MSN: variants seen among roughly 807,000 people sequenced by gnomAD.
The protein encoded by MSN is epididymis luminal protein 70.
MSN carries 2 observed loss-of-function variants against 48.0 expected under a neutral mutation model. The ratio of observed to expected loss-of-function variants is 0.04; its 90% CI spans 0.02 to 0.13. The LOEUF (loss-of-function observed/expected upper bound fraction) is 0.13. MSN is among the 10% of genes least tolerant of loss of function. The pLI is 1.00. For synonymous variants in MSN, 146 were observed against 166.9 expected (o/e 0.87, Z 0.97); for missense variants, 267 against 470.1 (o/e 0.57, Z 3.99).
chrX:65,734,714 C>T (rs768794923), intron 7 of MSN, among the ~76,000 whole-genome samples: 1 of 112,098 alleles, frequency 8.9e-6, no homozygotes. Flanking sequence ...AAACAACAAC[C>T]AGGACAAGCA....
intron 1 of MSN, among the ~76,000 whole-genome samples, chrX:65,702,282 G>A (rs1281782676): frequency 9.4e-6 from 1 of 105,989 alleles, no homozygotes; most frequent in Admixed American, 1.0e-4. Flanking sequence ...CAAAGTGTTG[G>A]GATTACAGGC....
chrX:65,619,604 T>G (rs1343874984), intron 1 of MSN, among the ~76,000 whole-genome samples: 1 of 100,388 alleles, frequency 1.0e-5, no homozygotes, highest in African/African-American at 4.5e-5. Context: ...TAGTTATACA[T>G]TCTTCTAAAT....
chrX:65,613,718 T>C (rs893062959), intron 1 of MSN, among the ~76,000 whole-genome samples: 2 of 112,328 alleles, frequency 1.8e-5, no homozygotes, highest in African/African-American at 6.5e-5. Flanking sequence ...TTGATGGGGT[T>C]GTTTGATTTT....
chrX:65,598,405 G>A (rs1479601320), intron 1 of MSN, among the ~76,000 whole-genome samples: 3 of 107,532 alleles, frequency 2.8e-5, no homozygotes, highest in Non-Finnish European at 5.8e-5. Context: ...AGAGGAGAGA[G>A]GAGAGAAAAA....
intron 1 of MSN, among the ~76,000 whole-genome samples, chrX:65,695,048 C>G (rs748470973): frequency 3.4e-4 from 38 of 110,800 alleles, no homozygotes; most frequent in African/African-American, 1.2e-3. Context: ...ATGCTGGTAG[C>G]TTTCACTTCT....
intron 1 of MSN, among the ~76,000 whole-genome samples, chrX:65,681,476 T>A (rs1230250347): frequency 1.8e-5 from 2 of 111,478 alleles, no homozygotes; most frequent in Non-Finnish European, 3.8e-5. Context: ...TCCAACAGTG[T>A]TGGATGAGCA....
chrX:65,704,222 G>A (rs2071338766), intron 1 of MSN, among the ~76,000 whole-genome samples: 1 of 112,321 alleles, frequency 8.9e-6, no homozygotes, highest in Non-Finnish European at 1.9e-5. Flanking sequence ...GTGTGGCCCC[G>A]GATAGGGGCT....
rs760532626 is a variant in MSN at position 65,718,748 on chromosome X, T to A, written c.96+1847T>A. On this transcript the variant is annotated intron_variant, in intron 2 of 12. Transcript: ENST00000360270. The stretch of plus-strand genomic sequence containing the variant: ...CAGGAGGGTTGCTCAAGCCCAGGAG[T>A]TCAAGGTTACAGTGAGCTATGATCA... 2.7e-3 allele frequency among the ~76,000 whole-genome samples: 289 copies of A among 105,870 alleles called. 1 individual carries two copies. The highest frequency in any genetic ancestry group is 4.0e-3 in the Non-Finnish European group (207 of 51,832). 91.9% of individuals were successfully genotyped at this position (105,870 alleles called of 115,157 possible). A position where few individuals can be genotyped will look rare whatever the true frequency, so the allele number is the denominator to read the frequency against.
intron 1 of MSN, among the ~76,000 whole-genome samples, chrX:65,699,314 C>T (rs1303032728): frequency 3.6e-5 from 4 of 111,666 alleles, no homozygotes; most frequent in South Asian, 3.7e-4. Flanking sequence ...CTGGTTGCTC[C>T]GAGCTAAAGA....
At chrX:65,685,984 A>T (rs1326512546) in intron 1 of MSN, among the ~76,000 whole-genome samples, 2 of 112,655 alleles carry the variant, frequency 1.8e-5, no homozygotes, top group Non-Finnish European at 3.8e-5. Flanking sequence ...CCTGTCAATT[A>T]TCAGAGAAGC....
At chrX:65,712,982 A>G (rs750637971) in intron 1 of MSN, among the ~76,000 whole-genome samples, 34 of 111,200 alleles carry the variant, frequency 3.1e-4, no homozygotes, top group Non-Finnish European at 6.2e-4. Context: ...TTAGACAAAT[A>G]CCTATTTCTT....
intron 1 of MSN, among the ~76,000 whole-genome samples, chrX:65,676,345 C>T (rs1243522244): frequency 2.7e-5 from 3 of 112,176 alleles, no homozygotes; most frequent in African/African-American, 9.7e-5. Flanking sequence ...TAAGTGTTGA[C>T]ATAGCTCTTA....
At chrX:65,709,373 T>C (rs2071393788) in intron 1 of MSN, among the ~76,000 whole-genome samples, 1 of 112,482 alleles carries the variant, frequency 8.9e-6, no homozygotes, top group Non-Finnish European at 1.9e-5. Flanking sequence ...CCCAAAATTA[T>C]TTATCTCCAC....
At chrX:65,704,711 T>C (rs1282810046) in intron 1 of MSN, among the ~76,000 whole-genome samples, 2 of 109,981 alleles carry the variant, frequency 1.8e-5, no homozygotes, top group African/African-American at 6.6e-5. Context: ...GTATCTACTG[T>C]TTTCTAAATG....
At chrX:65,737,050 T>A (rs1178938127) in intron 9 of MSN, 125 bp downstream of exon 9, 1 of 1,126,769 alleles carries the variant, frequency 8.9e-7, no homozygotes, top group African/African-American at 1.8e-5. Flanking sequence ...AGAAGAAGAA[T>A]GGGCAAGAAG....
intron 1 of MSN, among the ~76,000 whole-genome samples, chrX:65,623,375 T>C (rs761170554): frequency 1.8e-5 from 2 of 108,449 alleles, no homozygotes; most frequent in Admixed American, 9.8e-5. Flanking sequence ...TTTCTTTTTT[T>C]TTTTTTTTTA....
intron 1 of MSN, among the ~76,000 whole-genome samples, chrX:65,704,662 A>C (rs1259599152): frequency 1.0e-5 from 1 of 96,294 alleles, no homozygotes; most frequent in Non-Finnish European, 1.9e-5. Context: ...AGCCTCCTCC[A>C]CATAGTTTTT....
rs757574094 is a variant in MSN, at chrX:65,735,457, G to A, written c.959+27G>A. 13 of 1,180,042 alleles carry A rather than the reference G, an allele frequency of 1.1e-5. No individual in the cohort carries two copies. In the Admixed American group the frequency reaches 3.0e-4, roughly 27 times the overall value. On this transcript the variant is annotated intron_variant, in intron 8 of 12. Coordinates refer to ENST00000360270, the MANE Select transcript of MSN (RefSeq NM_002444.3). ...TAGGTGCTGCACACTGATGTGGGGG[G>A]CCAGGGCTGGGGCAAGGAAGCTTCT... is the stretch of plus-strand genomic sequence containing the variant.
intron 1 of MSN, among the ~76,000 whole-genome samples, chrX:65,609,891 AAAG>A (rs1171198965): frequency 5.3e-4 from 59 of 111,035 alleles, no homozygotes; most frequent in Admixed American, 1.9e-4. Flanking sequence ...TAAAAAAAAA[AAAG>A]TAGATTTCCT....
Sources: allele counts gnomAD v4.1 joint callset (sites outside exome capture counted in the v4.1 genomes callset), GRCh38; gene constraint gnomAD v4.1.1; transcripts MANE v1.5; gene names NCBI Gene and HGNC (gene_info 2026-07-23, HGNC 2026-07-21).